The following DNAH14 variants were observed in gnomAD, a reference collection of about 807,000 sequenced individuals.
The protein encoded by DNAH14 is dynein axonemal heavy chain 14.
A neutral mutation model predicts 520.9 loss-of-function variants in DNAH14; 478 were observed. The observed-to-expected ratio is 0.92, with a 90% confidence interval of 0.85 to 0.99. The LOEUF (loss-of-function observed/expected upper bound fraction) is 0.99, where lower values mean the gene tolerates loss of function less well. DNAH14 is among the 50% of genes least tolerant of loss of function. DNAH14 has a pLI of 0.00. For missense variants in DNAH14, 4,831 were observed against 5,234.5 expected (o/e 0.92, Z 2.38); for synonymous variants, 1,581 against 1,757.2 (o/e 0.90, Z 2.51).
In DNAH14 at chr1:225,231,222, T is replaced by C. The variant is rs553334613; in HGVS notation, c.6518+71T>C. The C allele has an allele frequency of 3.1e-6, 3 of 973,680 alleles. No individual in the cohort carries two copies. In the African/African-American group the frequency reaches 5.1e-5, roughly 16 times the overall value. The allele number at this position is 973,680 out of a possible 1,614,324, so 60.3% of individuals were successfully genotyped here. On this transcript the variant is annotated intron_variant, in intron 42 of 85. Coordinates refer to ENST00000682510, the MANE Select transcript of DNAH14 (RefSeq NM_001367479.1). The stretch of plus-strand genomic sequence containing the variant: ...GCCAGACCCTCAAATATGCACAGGA[T>C]TACTTCTCAATAAATCAATACTTTT...
chr1:225,063,918 T>TA (rs2070522503), intron 17 of DNAH14, among the ~76,000 whole-genome samples: 5 of 145,710 alleles, frequency 3.4e-5, no homozygotes, highest in African/African-American at 1.3e-4. Flanking sequence ...AGATAAAGAA[T>TA]AAAAAAGAAA....
At chr1:225,032,480 A>T (rs1181971259) in intron 11 of DNAH14, among the ~76,000 whole-genome samples, 1 of 152,088 alleles carries the variant, frequency 6.6e-6, no homozygotes, top group Non-Finnish European at 1.5e-5. Flanking sequence ...CCAGTCTGTC[A>T]TTGATGGGCA....
intron 15 of DNAH14, among the ~76,000 whole-genome samples, chr1:225,048,715 A>G (rs2068196920): frequency 6.6e-6 from 1 of 152,068 alleles, no homozygotes; most frequent in South Asian, 2.1e-4. Context: ...TTTTTCTTGG[A>G]CAAATATCTA....
At chr1:225,053,281 A>G (rs2068716109) in intron 17 of DNAH14, among the ~76,000 whole-genome samples, 1 of 152,118 alleles carries the variant, frequency 6.6e-6, no homozygotes, top group Admixed American at 6.6e-5. Flanking sequence ...GGGAAAGGTC[A>G]AAAGAGAACA....
At chr1:224,940,468 G>C (rs1256711656) in intron 1 of DNAH14, among the ~76,000 whole-genome samples, 1 of 152,046 alleles carries the variant, frequency 6.6e-6, no homozygotes, top group Non-Finnish European at 1.5e-5. Context: ...ACAGTATGCA[G>C]CTTGTCTTTT....
At chr1:224,961,843 T>C (rs796647570) in intron 4 of DNAH14, among the ~76,000 whole-genome samples, 17 of 152,260 alleles carry the variant, frequency 1.1e-4, no homozygotes, top group African/African-American at 4.1e-4. Flanking sequence ...TCCTTCAGTG[T>C]TTTGAAATTG....
intron 17 of DNAH14, among the ~76,000 whole-genome samples, chr1:225,055,524 TA>T (rs1358979638): frequency 2.0e-5 from 3 of 150,474 alleles, no homozygotes; most frequent in Non-Finnish European, 2.9e-5. Context: ...ATTATTTTTT[TA>T]TTTTTATTTA....
intron 46 of DNAH14, among the ~76,000 whole-genome samples, chr1:225,259,644 A>G (rs1235776333): frequency 6.6e-6 from 1 of 152,202 alleles, no homozygotes; most frequent in Non-Finnish European, 1.5e-5. Flanking sequence ...ATGCTGTGCA[A>G]TAGATGTCGA....
At chr1:225,083,700 C>T (rs140263582) in intron 20 of DNAH14, among the ~76,000 whole-genome samples, 2 of 152,216 alleles carry the variant, frequency 1.3e-5, no homozygotes, top group Non-Finnish European at 2.9e-5. Context: ...TAATCCTCAT[C>T]GTATCTAAAT....
chr1:225,198,903 A>G (rs2086476136), intron 38 of DNAH14, among the ~76,000 whole-genome samples: 1 of 152,142 alleles, frequency 6.6e-6, no homozygotes, highest in Non-Finnish European at 1.5e-5. Context: ...GGAATAGGGT[A>G]ATAAGATAGA....
At position 225,180,416 on chromosome 1, in the gene DNAH14, C is replaced by T. The variant is rs1260230972; in HGVS notation, c.5536-4875C>T. 2.6e-5 allele frequency among the ~76,000 whole-genome samples: 4 copies of T among 152,138 alleles called. No homozygotes were observed. In the East Asian group the frequency reaches 7.7e-4, roughly 29 times the overall value. ...AAAGAGGTGTATTTGGTTCATAATT[C>T]TGATGGCTGAAAAGTTCAAGATTTG... On this transcript the variant is annotated intron_variant, in intron 36 of 85. Coordinates refer to ENST00000682510, the MANE Select transcript of DNAH14 (RefSeq NM_001367479.1).
chr1:225,144,776 CAAT>C, intron 29 of DNAH14, 148 bp downstream of exon 29: 2 of 682,238 alleles, frequency 2.9e-6, no homozygotes, highest in Non-Finnish European at 4.8e-6. Context: ...ATTAATTCAT[CAAT>C]GATGTTTTGA....
chr1:225,145,203 A>T, intron 29 of DNAH14, 123 bp from the exon 30 acceptor site: 18 of 600,396 alleles, frequency 3.0e-5, no homozygotes, highest in Non-Finnish European at 4.2e-5. Context: ...TTTGATTTTT[A>T]ATTCATCTCC....
rs1180233709 is a variant in DNAH14 at position 225,364,774 on chromosome 1, A to G, written c.11988-18A>G. 6.7e-7 allele frequency: 1 copy of G among 1,487,984 alleles called. No homozygotes were observed. The highest frequency in any genetic ancestry group is 9.0e-7 in the Non-Finnish European group (1 of 1,112,886). The allele number at this position is 1,487,984 out of a possible 1,614,324, so 92.2% of individuals were successfully genotyped here. On this transcript the variant is annotated intron_variant, in intron 75 of 85. Coordinates refer to ENST00000682510, the MANE Select transcript of DNAH14 (RefSeq NM_001367479.1). ...ACATTTTTCACATTAAAATATTTATAAATTTTTTATTTTGCAGTTTTAATA... is the reference window on the plus strand; with the variant it reads ...ACATTTTTCACATTAAAATATTTATGAATTTTTTATTTTGCAGTTTTAATA...
chr1:225,281,485 T>TTGCCATGTAATATATGTATGTATA (rs1159657542), intron 54 of DNAH14, among the ~76,000 whole-genome samples: 1 of 152,182 alleles, frequency 6.6e-6, no homozygotes, highest in Non-Finnish European at 1.5e-5. Flanking sequence ...GCAAAGTCTC[T>TTGCCATGTAATATATGTATGTATA]TGCCATGTAA....
Position 225,080,691 on chromosome 1 carries a change from G to T in DNAH14, c.3079G>T (p.Glu1027Ter). The T allele has an allele frequency of 6.5e-7, 1 of 1,549,680 alleles. No individual in the cohort carries two copies. ...TAGTTCTCTTCAAAGTATTGATGTA[G>T]AATCAGTACAGAGAAATGTTTCAAA... ...RNSSLQSIDV[E>*]SVQRNVSKLM... Residue 1027 changes from glutamate to a stop codon, truncating the protein, a stop_gained, in exon 19 of 86, where the codon GAA becomes TAA. Coordinates refer to ENST00000682510, the MANE Select transcript of DNAH14 (RefSeq NM_001367479.1). LOFTEE classifies it high-confidence loss of function.
intron 17 of DNAH14, among the ~76,000 whole-genome samples, chr1:225,076,846 C>A (rs1340300852): frequency 6.6e-6 from 1 of 151,680 alleles, no homozygotes; most frequent in Non-Finnish European, 1.5e-5. Context: ...GCACAATGTG[C>A]AGGTTTGATA....
At chr1:225,278,821 GT>G (rs1224462504) in intron 54 of DNAH14, among the ~76,000 whole-genome samples, 1 of 152,078 alleles carries the variant, frequency 6.6e-6, no homozygotes, top group Non-Finnish European at 1.5e-5. Context: ...ATTCAGAGCA[GT>G]TTTCAAAAGC....
intron 27 of DNAH14, among the ~76,000 whole-genome samples, chr1:225,127,128 C>G (rs534556544): frequency 1.8e-4 from 27 of 150,050 alleles, no homozygotes; most frequent in Admixed American, 8.7e-4. Flanking sequence ...TTACTTCCAA[C>G]TATGTGGTCA....
Sources: gnomAD v4.1 joint callset for allele counts (sites outside exome capture counted in the v4.1 genomes callset) on GRCh38, gnomAD v4.1.1 for gene constraint, MANE v1.5 for transcripts, NCBI Gene and HGNC (gene_info 2026-07-23, HGNC 2026-07-21) for gene names.